BBS1: variants seen among roughly 807,000 people sequenced by gnomAD.
The protein encoded by BBS1 is Bardet-Biedl syndrome 1.
A neutral mutation model predicts 73.9 loss-of-function variants in BBS1; 60 were observed. The ratio of observed to expected loss-of-function variants is 0.81; its 90% CI spans 0.66 to 1.01. The LOEUF (loss-of-function observed/expected upper bound fraction) is 1.01, where lower values mean the gene tolerates loss of function less well. BBS1 is among the 50% of genes least tolerant of loss of function. The probability of loss-of-function intolerance (pLI) is 0.00; values close to 1 mark genes in which losing one functional copy is unlikely to be tolerated. For missense variants in BBS1, 718 were observed against 770.3 expected (o/e 0.93, Z 0.80); for synonymous variants, 283 against 317.4 (o/e 0.89, Z 1.15).
chr11:66,530,747 C>A (rs1243573831), intron 14 of BBS1, 147 bp from the exon 15 acceptor site: 2 of 1,197,516 alleles, frequency 1.7e-6, no homozygotes, highest in Admixed American at 1.8e-5. Context: ...ATCCCTCTGC[C>A]CCTTCTGGTC....
Position 66,512,264 on chromosome 11 carries a change from T to C in BBS1, c.159+1025T>C, listed in dbSNP as rs1284995931. On this transcript the variant is annotated intron_variant, in intron 3 of 16. Coordinates refer to ENST00000318312, the MANE Select transcript of BBS1 (RefSeq NM_024649.5). ...CCATTTTGTGAATGGGAAAATAGTT[T>C]CAAAGAGGTGAAGTTTACTGAATTT... Among the ~76,000 whole-genome samples, 6 of 152,104 alleles carry C rather than the reference T, an allele frequency of 3.9e-5. No individual in the cohort carries two copies. The South Asian group carries it at 8.3e-4, about 21-fold the overall frequency.
chr11:66,524,587 G>A (rs577176866), intron 11 of BBS1, among the ~76,000 whole-genome samples: 5 of 152,272 alleles, frequency 3.3e-5, no homozygotes, highest in African/African-American at 1.2e-4. Context: ...AATGGAGGAA[G>A]AACATTCTGC....
At chr11:66,526,228 C>T (rs762634893) in intron 12 of BBS1, 36 bp downstream of exon 12, 13 of 1,597,394 alleles carry the variant, frequency 8.1e-6, no homozygotes, top group African/African-American at 2.7e-5. Flanking sequence ...GCTTTGAAGT[C>T]GGGAGTGAAG....
Position 66,533,115 on chromosome 11 carries a change from T to G in BBS1, c.*1078T>G, listed in dbSNP as rs1427565796. The G allele has an allele frequency of 6.6e-6, 1 of 152,098 alleles. No homozygotes were observed. The highest frequency in any genetic ancestry group is 1.5e-5 in the Non-Finnish European group (1 of 68,026). 9.4% of individuals were successfully genotyped at this position (152,098 alleles called of 1,614,324 possible). Reference sequence around the variant, plus strand: ...ATATTATGTACCTACCACTAAGAAATACATGAACCGTGCCATGAGGACAGT... The same window carrying G: ...ATATTATGTACCTACCACTAAGAAAGACATGAACCGTGCCATGAGGACAGT... On this transcript the variant is annotated 3_prime_UTR_variant, in exon 17 of 17. Transcript: ENST00000318312.
intron 10 of BBS1, 37 bp downstream of exon 10, chr11:66,523,613 A>G (rs1409050210): frequency 6.2e-7 from 1 of 1,613,622 alleles, no homozygotes; most frequent in East Asian, 2.2e-5. Context: ...CTCCACGCCT[A>G]TGTCCCTAGC....
intron 3 of BBS1, among the ~76,000 whole-genome samples, chr11:66,512,928 C>T (rs559126521): frequency 1.3e-5 from 2 of 151,766 alleles, no homozygotes; most frequent in South Asian, 2.1e-4. Context: ...GCCGAAATCA[C>T]GCCATCGCAC....
Position 66,531,808 on chromosome 11 carries a change from G to A in BBS1, c.1695+66G>A, listed in dbSNP as rs769722104. Reference sequence around the variant, plus strand: ...CCTGGGGAGGACAGTAAGGGTGAGTGCCAACAAAGACCTTAGGGGGCTCCT... The same window carrying A: ...CCTGGGGAGGACAGTAAGGGTGAGTACCAACAAAGACCTTAGGGGGCTCCT... On this transcript the variant is annotated intron_variant, in intron 16 of 16. Transcript: ENST00000318312. 5 of 1,612,894 alleles carry A rather than the reference G, an allele frequency of 3.1e-6. No individual in the cohort carries two copies. In the South Asian group the frequency reaches 3.3e-5, roughly 11 times the overall value.
In BBS1 at chr11:66,533,495, C is replaced by A. The variant is rs1195987220; in HGVS notation, c.*1458C>A. ...CTTTTGTCAGCAACCCTCCCCCATC[C>A]CTAGTTATTAGGTTAAAAAATACTC... On this transcript the variant is annotated 3_prime_UTR_variant, in exon 17 of 17. Coordinates refer to ENST00000318312, the MANE Select transcript of BBS1 (RefSeq NM_024649.5). 7 of 152,188 alleles carry A rather than the reference C, an allele frequency of 4.6e-5. No homozygotes were observed. Among genetic ancestry groups the A allele is most frequent in the Admixed American group, 2.0e-4 (3 of 15,262 alleles). The allele number at this position is 152,188 out of a possible 1,614,324, so 9.4% of individuals were successfully genotyped here. A position where few individuals can be genotyped will look rare whatever the true frequency, so the allele number is the denominator to read the frequency against.
intron 9 of BBS1, among the ~76,000 whole-genome samples, chr11:66,522,279 C>T (rs1856274058): frequency 6.6e-6 from 1 of 150,728 alleles, no homozygotes; most frequent in Non-Finnish European, 1.5e-5. Flanking sequence ...TTGTTACTTT[C>T]TAGGGTACAT....
chr11:66,510,972 C>G, intron 1 of BBS1, 41 bp from the exon 2 acceptor site: 1 of 1,607,102 alleles, frequency 6.2e-7, no homozygotes, highest in Non-Finnish European at 8.5e-7. Flanking sequence ...TTTTCCCCTC[C>G]CATGGGACTC....
At chr11:66,517,073 C>T (rs1856065294) in intron 7 of BBS1, among the ~76,000 whole-genome samples, 1 of 152,064 alleles carries the variant, frequency 6.6e-6, no homozygotes, top group South Asian at 2.1e-4. Context: ...GTAGCGGTCG[C>T]CTGTACTCCC....
intron 9 of BBS1, 83 bp from the exon 10 acceptor site, chr11:66,523,373 C>T (rs1253520816): frequency 6.3e-7 from 1 of 1,596,336 alleles, no homozygotes; most frequent in Non-Finnish European, 8.6e-7. Context: ...CAGGTGAGTC[C>T]ATGAGGTTTA....
intron 3 of BBS1, among the ~76,000 whole-genome samples, chr11:66,513,871 C>A (rs1400876741): frequency 6.6e-6 from 1 of 152,154 alleles, no homozygotes; most frequent in African/African-American, 2.4e-5. Flanking sequence ...AGGCCTCATT[C>A]AGGGAAATGG....
chr11:66,531,173 C>T (rs1330863623), intron 15 of BBS1, 145 bp downstream of exon 15: 16 of 1,185,770 alleles, frequency 1.3e-5, no homozygotes, highest in Non-Finnish European at 1.8e-5. Context: ...CACCACAGAC[C>T]AGGCCAAGGC....
Position 66,532,084 on chromosome 11 carries a change from TGGGC to T in BBS1, c.*51_*54del, listed in dbSNP as rs1308393397. The stretch of plus-strand genomic sequence containing the variant: ...CCCTGCACAATCAGCCAGGGAGAAC[TGGGC>T]GGGTTTAGTGGCCCCAGGCCCACTC... On this transcript the variant is annotated 3_prime_UTR_variant, in exon 17 of 17. Coordinates refer to ENST00000318312, the MANE Select transcript of BBS1 (RefSeq NM_024649.5). 6.4e-7 allele frequency: 1 copy of T among 1,555,220 alleles called. No individual in the cohort carries two copies. Among genetic ancestry groups the T allele is most frequent in the Non-Finnish European group, 8.7e-7 (1 of 1,149,250 alleles).
intron 7 of BBS1, 75 bp downstream of exon 7, chr11:66,516,008 TAA>T: frequency 6.9e-7 from 1 of 1,454,030 alleles, no homozygotes; most frequent in Non-Finnish European, 9.6e-7. Context: ...ACATCAGTGG[TAA>T]ATTCTATAAG....
chr11:66,520,089 G>A (rs1191680604), intron 8 of BBS1, among the ~76,000 whole-genome samples: 1 of 152,190 alleles, frequency 6.6e-6, no homozygotes, highest in Non-Finnish European at 1.5e-5. Flanking sequence ...GAGCCCAAGA[G>A]TTTCAGGCTG....
chr11:66,514,580 G>A lies in BBS1; in HGVS notation c.334G>A (p.Val112Ile). The A allele has an allele frequency of 1.9e-6, 3 of 1,614,092 alleles. No homozygotes were observed. The highest frequency in any genetic ancestry group is 2.5e-6 in the Non-Finnish European group (3 of 1,180,036). The change falls in exon 4 of 17, where the codon GTC (valine) becomes ATC (isoleucine). Residue 112 changes from valine (V) to isoleucine (I), a missense_variant. By Grantham distance (29) the Val-to-Ile change is conservative. Coordinates refer to ENST00000318312, the MANE Select transcript of BBS1 (RefSeq NM_024649.5). ...PALALASGPC[V>I]YVYKNLRPYF... The stretch of plus-strand genomic sequence containing the variant: ...TCTGGCACTTGCTTCAGGCCCTTGT[G>A]TCTATGTGTATAAGAATCTCAGACC...
chr11:66,527,912 C>G (rs1015459050), intron 13 of BBS1, among the ~76,000 whole-genome samples: 1 of 152,004 alleles, frequency 6.6e-6, no homozygotes, highest in Non-Finnish European at 1.5e-5. Flanking sequence ...GTAATATAGG[C>G]AGAGGCACAG....
Sources: gnomAD v4.1 joint callset for allele counts (sites outside exome capture counted in the v4.1 genomes callset) on GRCh38, gnomAD v4.1.1 for gene constraint, MANE v1.5 for transcripts, NCBI Gene and HGNC (gene_info 2026-07-23, HGNC 2026-07-21) for gene names.